The following PARP11 variants were observed in gnomAD, a reference collection of about 807,000 sequenced individuals.
PARP11 encodes the protein poly(ADP-ribose) polymerase family member 11, also known as protein mono-ADP-ribosyltransferase PARP11.
In PARP11, 31 loss-of-function variants were observed where a neutral mutation model predicts 42.9. That is an observed-to-expected ratio of 0.72 (90% confidence interval 0.54 to 0.98). The LOEUF is 0.98. Ranked by LOEUF, PARP11 falls within the 50% of genes least tolerant of loss-of-function variation. The pLI is 0.00. For synonymous variants in PARP11, 137 were observed against 127.3 expected (o/e 1.08, Z -0.51); for missense variants, 365 against 413.1 (o/e 0.88, Z 1.01).
intron 6 of PARP11, among the ~76,000 whole-genome samples, chr12:3,820,275 T>G (rs149059206): frequency 1.3e-5 from 2 of 152,336 alleles, no homozygotes; most frequent in East Asian, 3.9e-4. Context: ...CTGGATGGAC[T>G]CACGTGGGCC....
chr12:3,812,550 G>A (rs1272695821), intron 7 of PARP11, 111 bp from the exon 8 acceptor site: 6 of 750,948 alleles, frequency 8.0e-6, no homozygotes, highest in East Asian at 2.7e-5. Context: ...AATAAAAATA[G>A]ATGTGGAATT....
chr12:3,834,964 G>C (rs368450062), intron 1 of PARP11, among the ~76,000 whole-genome samples: 8 of 152,062 alleles, frequency 5.3e-5, no homozygotes, highest in African/African-American at 1.9e-4. Flanking sequence ...CAAACACGAC[G>C]TAACAGAAGC....
At chr12:3,857,459 A>G (rs1027823454) in intron 1 of PARP11, among the ~76,000 whole-genome samples, 2 of 152,184 alleles carry the variant, frequency 1.3e-5, no homozygotes, top group African/African-American at 4.8e-5. Context: ...TTATTATCCT[A>G]GAAAGACACC....
chr12:3,822,274 A>T (rs1443652962), intron 4 of PARP11, 117 bp from the exon 5 acceptor site: 2 of 758,884 alleles, frequency 2.6e-6, no homozygotes, highest in Non-Finnish European at 4.4e-6. Context: ...AAATGCAATT[A>T]AATACAGCCT....
intron 4 of PARP11, among the ~76,000 whole-genome samples, chr12:3,822,856 A>C (rs1218563778): frequency 2.0e-5 from 3 of 152,208 alleles, no homozygotes; most frequent in African/African-American, 7.2e-5. Flanking sequence ...TTGTCTATTG[A>C]ATAAAATCAA....
intron 6 of PARP11, among the ~76,000 whole-genome samples, chr12:3,814,568 A>G (rs1176615864): frequency 6.6e-6 from 1 of 152,224 alleles, no homozygotes; most frequent in Non-Finnish European, 1.5e-5. Flanking sequence ...GAATTCCTTG[A>G]GCAGGGATCA....
intron 1 of PARP11, among the ~76,000 whole-genome samples, chr12:3,830,882 C>T (rs1947625642): frequency 6.6e-6 from 1 of 152,170 alleles, no homozygotes; most frequent in Admixed American, 6.5e-5. Flanking sequence ...CTGTCTTATA[C>T]TTCATTATCA....
chr12:3,857,913 T>G (rs369333986), intron 1 of PARP11, among the ~76,000 whole-genome samples: 4 of 152,328 alleles, frequency 2.6e-5, no homozygotes, highest in African/African-American at 9.6e-5. Context: ...AAAAATATAT[T>G]CTTGAATAGC....
At chr12:3,868,932 G>C (rs1237012316) in intron 1 of PARP11, among the ~76,000 whole-genome samples, 1 of 152,106 alleles carries the variant, frequency 6.6e-6, no homozygotes, top group Non-Finnish European at 1.5e-5. Flanking sequence ...CATCTCAATG[G>C]GCTAAAATCA....
At position 3,826,219 on chromosome 12, in the gene PARP11, TC is replaced by T. The variant is rs1947520111; in HGVS notation, c.282del (p.Met94IlefsTer10). On this transcript the variant is annotated frameshift_variant, in exon 4 of 8. Coordinates refer to ENST00000228820, the MANE Select transcript of PARP11 (RefSeq NM_020367.6). LOFTEE classifies it high-confidence loss of function. Reference sequence around the variant, plus strand: ...AAGCGCTGCTTTCCAGTGGTGAGATTCATTTGCTTCATTTCTGTATACAAAG... The same window carrying T: ...AAGCGCTGCTTTCCAGTGGTGAGATTATTTGCTTCATTTCTGTATACAAAG... ...YKIDFAEMKQ[M>X]NLTTGKQRLI... 2 of 1,591,964 alleles carry T rather than the reference TC, an allele frequency of 1.3e-6. No homozygotes were observed. Among genetic ancestry groups the T allele is most frequent in the Non-Finnish European group, 1.7e-6 (2 of 1,172,966 alleles).
rs768332783 is a variant in PARP11 at position 3,826,245 on chromosome 12, G to C, written c.269-12C>G. 6.4e-7 allele frequency: 1 copy of C among 1,566,194 alleles called. No individual in the cohort carries two copies. Among genetic ancestry groups the C allele is most frequent in the South Asian group, 1.2e-5 (1 of 84,410 alleles). Reference sequence around the variant, plus strand: ...CATTTGCTTCATTTCTGTATACAAAGACAAGATATTAGATAAGTCATAAAA... The same window carrying C: ...CATTTGCTTCATTTCTGTATACAAACACAAGATATTAGATAAGTCATAAAA... On this transcript the variant is annotated splice_polypyrimidine_tract_variant and intron_variant, in intron 3 of 7. Transcript: ENST00000228820.
intron 1 of PARP11, chr12:3,872,444 T>C: frequency 2.2e-6 from 2 of 900,258 alleles, no homozygotes; most frequent in East Asian, 1.2e-4. Context: ...GCCCCTACGT[T>C]GCACTTTAAA....
At chr12:3,855,293 C>A (rs1429711726) in intron 1 of PARP11, among the ~76,000 whole-genome samples, 8 of 151,850 alleles carry the variant, frequency 5.3e-5, no homozygotes, top group African/African-American at 1.9e-4. Context: ...GGCAATCAGG[C>A]AAGAGAAAAA....
rs1378234982 is a variant in PARP11 at position 3,840,492 on chromosome 12, G to A, written c.19-10474C>T. 1 of 1,613,080 alleles carries A rather than the reference G, an allele frequency of 6.2e-7. No individual in the cohort carries two copies. The highest frequency in any genetic ancestry group is 8.5e-7 in the Non-Finnish European group (1 of 1,179,024). On this transcript the variant is annotated intron_variant, in intron 1 of 7. Coordinates refer to ENST00000228820, the MANE Select transcript of PARP11 (RefSeq NM_020367.6). The surrounding 1 kb of genome is among the most constrained non-coding windows in gnomAD (Gnocchi z 4.4). ...GTGAGTTCTCTAGTCATTCTTCAGG[G>A]TCACAGTCTCAGAAATTCTCCAGTG...
At chr12:3,816,587 T>C (rs921591696) in intron 6 of PARP11, among the ~76,000 whole-genome samples, 2 of 152,216 alleles carry the variant, frequency 1.3e-5, no homozygotes, top group African/African-American at 4.8e-5. Flanking sequence ...ATTAGTTAGT[T>C]TGGCATTAGT....
chr12:3,823,917 A>G (rs1220390919), intron 4 of PARP11, among the ~76,000 whole-genome samples: 2 of 115,756 alleles, frequency 1.7e-5, no homozygotes, highest in African/African-American at 5.9e-5. Context: ...CTCTGTCTCA[A>G]AAAAAAAAAA....
At chr12:3,821,255 G>A (rs1392035204) in intron 6 of PARP11, among the ~76,000 whole-genome samples, 6 of 152,054 alleles carry the variant, frequency 3.9e-5, no homozygotes, top group Admixed American at 2.6e-4. Flanking sequence ...TCAGAGAACC[G>A]CTTATTTTAA....
chr12:3,869,101 T>G (rs1376035430), intron 1 of PARP11, among the ~76,000 whole-genome samples: 2 of 152,200 alleles, frequency 1.3e-5, no homozygotes, highest in Non-Finnish European at 2.9e-5. Context: ...CCATAGTCAC[T>G]CCATGTCTTT....
At chr12:3,850,726 A>G (rs1948082214) in intron 1 of PARP11, among the ~76,000 whole-genome samples, 1 of 152,208 alleles carries the variant, frequency 6.6e-6, no homozygotes, top group Non-Finnish European at 1.5e-5. Flanking sequence ...TGTGGATAAC[A>G]GTGATAAGAA....
Sources: gnomAD v4.1 joint callset for allele counts (sites outside exome capture counted in the v4.1 genomes callset) on GRCh38, gnomAD v4.1.1 for gene constraint, Gnocchi (gnomAD v3.1) non-coding constraint, MANE v1.5 for transcripts, NCBI Gene and HGNC (gene_info 2026-07-23, HGNC 2026-07-21) for gene names.